HIVEP3: variants seen among roughly 807,000 people sequenced by gnomAD.
HIVEP3 encodes the protein transcription factor HIVEP3.
Under a neutral mutation model 152.8 loss-of-function variants are expected in HIVEP3, and 49 were observed. That is an observed-to-expected ratio of 0.32 (90% CI 0.26 to 0.41). The LOEUF (loss-of-function observed/expected upper bound fraction) is 0.41, where lower values mean the gene tolerates loss of function less well. Among genes scored for constraint, HIVEP3 ranks in the 10% least tolerant of loss-of-function variants. HIVEP3 has a pLI of 1.00. For synonymous variants in HIVEP3, 1,269 were observed against 1,289.0 expected (o/e 0.98, Z 0.33); for missense variants, 2,790 against 3,103.3 (o/e 0.90, Z 2.40).
At chr1:41,892,402 ACACAGTGG>A (rs1644460384) in intron 1 of HIVEP3, among the ~76,000 whole-genome samples, 1 of 152,186 alleles carries the variant, frequency 6.6e-6, no homozygotes, top group Admixed American at 6.5e-5. Context: ...GGTGCCAAGA[ACACAGTGG>A]CTCTGCTCAC....
intron 1 of HIVEP3, among the ~76,000 whole-genome samples, chr1:41,932,569 C>T (rs1194043462): frequency 1.3e-5 from 2 of 151,662 alleles, no homozygotes; most frequent in Non-Finnish European, 3.0e-5. Context: ...CTTCTTTTTT[C>T]TTGGTCAGTC....
intron 2 of HIVEP3, among the ~76,000 whole-genome samples, chr1:41,646,123 G>A (rs982110408): frequency 2.6e-5 from 4 of 152,184 alleles, no homozygotes; most frequent in African/African-American, 9.7e-5. Flanking sequence ...TGCCAAGGTT[G>A]GGAGAGGAGT....
At chr1:41,689,866 C>A (rs1025734766) in intron 2 of HIVEP3, among the ~76,000 whole-genome samples, 2 of 152,220 alleles carry the variant, frequency 1.3e-5, no homozygotes, top group South Asian at 4.1e-4. Context: ...GAAACAACAC[C>A]CTGGCTAATG....
intron 3 of HIVEP3, among the ~76,000 whole-genome samples, chr1:41,608,347 C>T (rs1341452649): frequency 6.6e-6 from 1 of 152,212 alleles, no homozygotes; most frequent in Non-Finnish European, 1.5e-5. Context: ...AGCTGCCAAT[C>T]CTTCTTCTGG....
At chr1:41,863,911 T>C (rs771797349) in intron 1 of HIVEP3, among the ~76,000 whole-genome samples, 147 of 152,178 alleles carry the variant, frequency 9.7e-4, no homozygotes, top group Non-Finnish European at 7.2e-4. Context: ...TACATCCAGA[T>C]TAAGAAGGGC....
At chr1:41,690,779 A>G (rs1293933460) in intron 2 of HIVEP3, among the ~76,000 whole-genome samples, 1 of 152,136 alleles carries the variant, frequency 6.6e-6, no homozygotes, top group Non-Finnish European at 1.5e-5. Flanking sequence ...TTAGCCAGGC[A>G]TGGTGGTGGG....
At chr1:41,622,589 G>C (rs1645062118) in intron 3 of HIVEP3, among the ~76,000 whole-genome samples, 1 of 152,314 alleles carries the variant, frequency 6.6e-6, no homozygotes, top group Admixed American at 6.5e-5. Flanking sequence ...CAATGACAAA[G>C]TCAAGAGAGA....
chr1:41,770,505 C>T (rs1648285137), intron 1 of HIVEP3, among the ~76,000 whole-genome samples: 3 of 152,112 alleles, frequency 2.0e-5, no homozygotes, highest in African/African-American at 7.2e-5. Context: ...CGGCAGATAC[C>T]ACCTTAGCCA....
In HIVEP3 at chr1:41,580,799, T is replaced by C; in HGVS notation, c.3999A>G (p.Ala1333=). 1 of 1,577,276 alleles carries C rather than the reference T, an allele frequency of 6.3e-7. No individual in the cohort carries two copies. Among genetic ancestry groups the C allele is most frequent in the Non-Finnish European group, 8.6e-7 (1 of 1,161,572 alleles). ...VQTNMPSYGS[A]MYTTLSQILV... Reference sequence around the variant, plus strand: ...AGATCTGGGAAAGGGTGGTGTACATTGCGCTCCCATAGGACGGCATATTGG... The same window carrying C: ...AGATCTGGGAAAGGGTGGTGTACATCGCGCTCCCATAGGACGGCATATTGG... The change falls in exon 4 of 9, where the codon GCA becomes GCG. Residue 1333 remains alanine (A), a synonymous_variant. Coordinates refer to ENST00000372583, the MANE Select transcript of HIVEP3 (RefSeq NM_024503.5).
At chr1:41,709,326 G>T (rs1045814596) in intron 1 of HIVEP3, among the ~76,000 whole-genome samples, 1 of 152,192 alleles carries the variant, frequency 6.6e-6, no homozygotes. Context: ...ACAGCCAAGC[G>T]AGCTTTAAAC....
intron 5 of HIVEP3, among the ~76,000 whole-genome samples, chr1:41,538,244 G>A (rs1569812284): frequency 6.6e-6 from 1 of 152,138 alleles, no homozygotes; most frequent in Admixed American, 6.5e-5. Context: ...GATGGTGTGG[G>A]TGGGGAGGTC....
chr1:41,715,521 C>A (rs115472099), intron 1 of HIVEP3, among the ~76,000 whole-genome samples: 2,786 of 152,286 alleles, frequency 0.018, 86 homozygotes, highest in African/African-American at 0.064. Context: ...CCCATGGGAA[C>A]CATGGGAAGA....
At chr1:41,844,516 A>G (rs1032243255) in intron 1 of HIVEP3, among the ~76,000 whole-genome samples, 1 of 152,232 alleles carries the variant, frequency 6.6e-6, no homozygotes, top group African/African-American at 2.4e-5. Flanking sequence ...AACTGCTCGC[A>G]GGGTCACAGG....
At chr1:41,514,226 C>G (rs1642536939) in intron 7 of HIVEP3, among the ~76,000 whole-genome samples, 1 of 152,198 alleles carries the variant, frequency 6.6e-6, no homozygotes, top group Non-Finnish European at 1.5e-5. Context: ...TACCACCTTG[C>G]TCTGCTTGGT....
chr1:41,784,232 C>T (rs1649216303), intron 1 of HIVEP3, among the ~76,000 whole-genome samples: 1 of 151,954 alleles, frequency 6.6e-6, no homozygotes, highest in African/African-American at 2.4e-5. Context: ...GTGGCTAGGC[C>T]ATATTGTAAG....
At chr1:41,988,678 T>C (rs1645338531) in intron 1 of HIVEP3, among the ~76,000 whole-genome samples, 1 of 152,100 alleles carries the variant, frequency 6.6e-6, no homozygotes, top group African/African-American at 2.4e-5. Context: ...AAATTACAAC[T>C]AGAACTACCA....
intron 1 of HIVEP3, among the ~76,000 whole-genome samples, chr1:41,723,267 G>A (rs1646703172): frequency 6.6e-6 from 1 of 152,090 alleles, no homozygotes; most frequent in South Asian, 2.1e-4. Context: ...CTTGGGGGTT[G>A]GGGGATCAGG....
At chr1:41,921,150 A>G (rs1387809236), upstream of HIVEP3, among the ~76,000 whole-genome samples, 1 of 152,214 alleles carries the variant, frequency 6.6e-6, no homozygotes, top group African/African-American at 2.4e-5. Context: ...GGAACCAGGG[A>G]AAGATGCCAT....
chr1:41,711,101 C>T (rs1187310260), intron 1 of HIVEP3, among the ~76,000 whole-genome samples: 4 of 152,226 alleles, frequency 2.6e-5, no homozygotes, highest in Admixed American at 1.3e-4. Flanking sequence ...TGCCACCCAC[C>T]GGGCTGGCCT....
Sources: allele counts gnomAD v4.1 joint callset (sites outside exome capture counted in the v4.1 genomes callset), GRCh38; gene constraint gnomAD v4.1.1; transcripts MANE v1.5; gene names NCBI Gene and HGNC (gene_info 2026-07-23, HGNC 2026-07-21).